Variants in SP140 observed in about 807,000 individuals in gnomAD.
SP140 encodes nuclear body protein SP140.
In SP140, 81 loss-of-function variants were observed where a neutral mutation model predicts 125.0. The observed-to-expected ratio is 0.65, with a 90% CI of 0.54 to 0.78. The LOEUF is 0.78. Ranked by LOEUF, SP140 falls within the 30% of genes least tolerant of loss-of-function variation. SP140 has a pLI of 0.00. For missense variants in SP140, 858 were observed against 1,037.0 expected (o/e 0.83, Z 2.37); for synonymous variants, 312 against 354.0 (o/e 0.88, Z 1.33).
Position 230,269,607 on chromosome 2 carries a change from A to G in SP140, c.1316A>G (p.Asp439Gly). The G allele has an allele frequency of 6.4e-7, 1 of 1,556,960 alleles. No individual in the cohort carries two copies. The highest frequency in any genetic ancestry group is 8.7e-7 in the Non-Finnish European group (1 of 1,143,688). The change falls in exon 13 of 27, where the codon GAT becomes GGT. Residue 439 changes from aspartate (D) to glycine (G), a missense_variant. This residue lies in a region of SP140 where 791 missense variants were observed against 869.5 expected (regional missense o/e 0.91). Coordinates refer to ENST00000392045, the MANE Select transcript of SP140 (RefSeq NM_007237.5). ...SEELASSLLY[D>G]NVPGAEQSAY... ...GAGCTTGCTTCTAGCCTGCTATATG[A>G]TAATGTACCAGGTAATTATGACTTA...
chr2:230,244,853 G>GGC, intron 5 of SP140, 135 bp from the exon 6 acceptor site: 4 of 589,780 alleles, frequency 6.8e-6, no homozygotes, highest in Non-Finnish European at 1.2e-5. Flanking sequence ...GCAAGGCTGT[G>GGC]GCGGGGCTCA....
At chr2:230,233,669 C>T (rs561645997) in intron 1 of SP140, among the ~76,000 whole-genome samples, 35 of 152,090 alleles carry the variant, frequency 2.3e-4, no homozygotes, top group African/African-American at 7.7e-4. Flanking sequence ...ATTTATTACC[C>T]GTGAATATGT....
At chr2:230,280,338 A>G (rs1287528839) in intron 15 of SP140, among the ~76,000 whole-genome samples, 1 of 152,100 alleles carries the variant, frequency 6.6e-6, no homozygotes, top group Non-Finnish European at 1.5e-5. Flanking sequence ...AACTTTTATG[A>G]TTTTTTAAAA....
intron 10 of SP140, among the ~76,000 whole-genome samples, chr2:230,251,514 G>C (rs1485224413): frequency 6.6e-6 from 1 of 152,110 alleles, no homozygotes; most frequent in Non-Finnish European, 1.5e-5. Flanking sequence ...AATGCTCTTT[G>C]CCTTTATTTT....
chr2:230,269,538 G>A lies in SP140; in HGVS notation c.1247G>A (p.Ser416Asn), dbSNP rs777890404. 8.3e-5 allele frequency: 133 copies of A among 1,600,252 alleles called. No individual in the cohort carries two copies. The highest frequency in any genetic ancestry group is 1.1e-4 in the Non-Finnish European group (130 of 1,167,828). Residue 416 changes from serine (S) to asparagine (N), a missense_variant, in exon 13 of 27, where the codon AGT (serine) becomes AAT (asparagine). Around this residue, in one of 4 missense-constraint regions of SP140, gnomAD observed 791 missense variants for 869.5 expected, o/e 0.91. Coordinates refer to ENST00000392045, the MANE Select transcript of SP140 (RefSeq NM_007237.5). The part of the protein sequence containing the change: ...SSLARRGSVS[S>N]ELENHPMNEE... The stretch of plus-strand genomic sequence containing the variant: ...TTTTCTTGTTTCTCATTAGTGTCTA[G>A]TGAACTAGAAAATCACCCAATGAAT...
intron 12 of SP140, 139 bp downstream of exon 12, chr2:230,255,671 A>G: frequency 1.4e-6 from 1 of 733,206 alleles, no homozygotes; most frequent in Non-Finnish European, 2.3e-6. Flanking sequence ...GATTTTTCAC[A>G]TTTTCTGTAC....
chr2:230,245,407 G>T (rs2049290209), intron 6 of SP140, among the ~76,000 whole-genome samples: 2 of 152,108 alleles, frequency 1.3e-5, no homozygotes. Context: ...AAAAGAGAGA[G>T]AATTTTAAAC....
chr2:230,214,179 C>T (rs1007026285), intron 3 of SP140: 12 of 152,284 alleles, frequency 7.9e-5, no homozygotes, highest in African/African-American at 2.7e-4. Flanking sequence ...TGCCACTGTT[C>T]TTTTTCCTAC....
intron 19 of SP140, 51 bp from the exon 20 acceptor site, chr2:230,292,595 T>A (rs2057255783): frequency 1.2e-6 from 2 of 1,612,116 alleles, no homozygotes; most frequent in East Asian, 2.2e-5. Flanking sequence ...GGCCATAGTC[T>A]GTGCGCTGGG....
chr2:230,294,226 C>A, intron 20 of SP140, 45 bp from the exon 21 acceptor site: 1 of 1,557,934 alleles, frequency 6.4e-7, no homozygotes, highest in Non-Finnish European at 8.8e-7. Context: ...ACTCACAAAA[C>A]GGAAACACAG....
intron 12 of SP140, among the ~76,000 whole-genome samples, chr2:230,267,908 A>T (rs10164566): frequency 0.1 from 15,719 of 152,212 alleles, 928 homozygotes; most frequent in Admixed American, 0.12. Flanking sequence ...GGACCCAAGA[A>T]AAAATGTGAC....
At chr2:230,243,630 G>C (rs2049008760) in intron 4 of SP140, 101 bp from the exon 5 acceptor site, 2 of 928,480 alleles carry the variant, frequency 2.2e-6, no homozygotes, top group Non-Finnish European at 3.4e-6. Context: ...GGACCTTCCA[G>C]ATTATCAGGT....
intron 15 of SP140, among the ~76,000 whole-genome samples, chr2:230,281,821 G>A (rs1159792799): frequency 6.6e-6 from 1 of 152,032 alleles, no homozygotes; most frequent in African/African-American, 2.4e-5. Context: ...TGGACACCTC[G>A]AGTTTTTTAA....
At chr2:230,311,075 T>C in intron 24 of SP140, 79 bp from the exon 25 acceptor site, 2 of 1,607,550 alleles carry the variant, frequency 1.2e-6, no homozygotes, top group South Asian at 2.2e-5. Flanking sequence ...AAGAAGGGTG[T>C]GAGTTCTGTG....
At chr2:230,220,089 C>T (rs1006112073) in intron 3 of SP140, 3 of 985,414 alleles carry the variant, frequency 3.0e-6, no homozygotes, top group Non-Finnish European at 3.6e-6. Flanking sequence ...CCTGCAGCCT[C>T]TCTCCACCTC....
intron 1 of SP140, chr2:230,212,238 G>A (rs1026971974): frequency 2.5e-6 from 2 of 802,028 alleles, no homozygotes; most frequent in Non-Finnish European, 4.3e-6. Flanking sequence ...CCTTTGTATT[G>A]CTCAGTTCTT....
chr2:230,281,586 AG>A (rs2055562042), intron 15 of SP140, among the ~76,000 whole-genome samples: 1 of 152,212 alleles, frequency 6.6e-6, no homozygotes, highest in Admixed American at 6.5e-5. Context: ...ACTATCCATC[AG>A]GGCAATCACT....
At chr2:230,239,280 T>A (rs776514855) in intron 3 of SP140, among the ~76,000 whole-genome samples, 58 of 152,210 alleles carry the variant, frequency 3.8e-4, no homozygotes, top group Non-Finnish European at 7.9e-4. Flanking sequence ...TCCTGAATGC[T>A]TAAGTCCCTT....
At chr2:230,202,979 G>A (rs2043328795), upstream of SP140, 1 of 531,432 alleles carries the variant, frequency 1.9e-6, no homozygotes, top group Middle Eastern at 5.1e-4. Context: ...ACTAGATAAA[G>A]CTGGGGAAAT....
Sources: gnomAD v4.1 joint callset for allele counts (sites outside exome capture counted in the v4.1 genomes callset) on GRCh38, gnomAD v4.1.1 for gene constraint, gnomAD v4.1.1 regional missense constraint, MANE v1.5 for transcripts, NCBI Gene and HGNC (gene_info 2026-07-23, HGNC 2026-07-21) for gene names.